Variants in WDFY4 observed in about 807,000 individuals in gnomAD.
WDFY4 encodes WDFY family member 4.
In WDFY4, 169 loss-of-function variants were observed where a neutral mutation model predicts 351.9. That is an observed-to-expected ratio of 0.48 (90% CI 0.42 to 0.55). The LOEUF (loss-of-function observed/expected upper bound fraction) is 0.55. Among genes scored for constraint, WDFY4 ranks in the 20% least tolerant of loss-of-function variants. The pLI is 0.00. For synonymous variants in WDFY4, 1,622 were observed against 1,574.6 expected (o/e 1.03, Z -0.71); for missense variants, 3,803 against 3,935.6 (o/e 0.97, Z 0.90).
At chr10:48,879,076 T>C (rs537375193) in intron 43 of WDFY4, among the ~76,000 whole-genome samples, 1 of 152,364 alleles carries the variant, frequency 6.6e-6, no homozygotes, top group South Asian at 2.1e-4. Context: ...TATCAATATA[T>C]TAATATGCTC....
At chr10:48,838,095 G>GT (rs1289920740) in intron 39 of WDFY4, among the ~76,000 whole-genome samples, 2 of 152,252 alleles carry the variant, frequency 1.3e-5, no homozygotes, top group Non-Finnish European at 2.9e-5. Context: ...TCAGGGCTGT[G>GT]TAAGAATTAA....
intron 11 of WDFY4, among the ~76,000 whole-genome samples, chr10:48,741,756 CTG>C (rs1258475490): frequency 2.0e-5 from 3 of 152,158 alleles, no homozygotes; most frequent in African/African-American, 7.2e-5. Flanking sequence ...TGACTCCACA[CTG>C]TGCCTTCTCA....
chr10:48,910,622 G>T (rs543055703), intron 47 of WDFY4, among the ~76,000 whole-genome samples: 1 of 152,272 alleles, frequency 6.6e-6, no homozygotes, highest in South Asian at 2.1e-4. Flanking sequence ...GGCTAAAGAG[G>T]TGTCTGACTT....
At chr10:48,850,040 C>T (rs114469070) in intron 39 of WDFY4, among the ~76,000 whole-genome samples, 1,620 of 152,306 alleles carry the variant, frequency 0.011, 27 homozygotes, top group African/African-American at 0.037. Context: ...AGGACAACCA[C>T]AGAAGTGATA....
chr10:48,802,741 T>C (rs1237711826), intron 24 of WDFY4: 1 of 471,406 alleles, frequency 2.1e-6, no homozygotes, highest in Non-Finnish European at 4.4e-6. Flanking sequence ...ATGCATGAGA[T>C]GACACTGTGG....
intron 47 of WDFY4, chr10:48,910,171 G>A (rs1837867430): frequency 1.4e-6 from 2 of 1,405,972 alleles, no homozygotes; most frequent in Admixed American, 3.4e-5. Context: ...CTAACTGGGG[G>A]CTTCTCCTCT....
intron 29 of WDFY4, among the ~76,000 whole-genome samples, 162 bp downstream of exon 29, chr10:48,810,897 C>T (rs573021889): frequency 3.3e-5 from 5 of 152,182 alleles, no homozygotes; most frequent in African/African-American, 1.2e-4. Context: ...GCCCAGCCCC[C>T]CTGACATCCT....
intron 6 of WDFY4, 85 bp downstream of exon 6, chr10:48,726,155 T>C (rs1304393591): frequency 1.4e-6 from 2 of 1,423,050 alleles, no homozygotes; most frequent in Non-Finnish European, 1.9e-6. Context: ...GCCCACTTTC[T>C]ACAATGAGAC....
At chr10:48,868,850 G>A (rs2069652139) in intron 40 of WDFY4, among the ~76,000 whole-genome samples, 1 of 152,146 alleles carries the variant, frequency 6.6e-6, no homozygotes, top group African/African-American at 2.4e-5. Context: ...GTGAAATTCT[G>A]TTGAGATCTG....
intron 24 of WDFY4, among the ~76,000 whole-genome samples, chr10:48,801,808 G>A (rs1423849296): frequency 6.6e-6 from 1 of 152,174 alleles, no homozygotes; most frequent in African/African-American, 2.4e-5. Flanking sequence ...CAGGCCTCCC[G>A]ATAAACTTGT....
chr10:48,710,801 C>T (rs1326599524), intron 2 of WDFY4, among the ~76,000 whole-genome samples: 1 of 152,236 alleles, frequency 6.6e-6, no homozygotes, highest in African/African-American at 2.4e-5. Flanking sequence ...AGGAAACCAG[C>T]GCATCTACTG....
At chr10:48,958,168 G>A (rs928818390) in intron 52 of WDFY4, among the ~76,000 whole-genome samples, 2 of 152,230 alleles carry the variant, frequency 1.3e-5, no homozygotes, top group Non-Finnish European at 2.9e-5. Flanking sequence ...GCAAAACCTT[G>A]TGCAGGGGTT....
At chr10:48,694,417 A>C in intron 1 of WDFY4, among the ~76,000 whole-genome samples, 2 of 148,686 alleles carry the variant, frequency 1.3e-5, no homozygotes, top group East Asian at 2.0e-4. Context: ...CTTCCCTCCT[A>C]CTCCCTCTCC....
intron 35 of WDFY4, chr10:48,823,100 A>G (rs11101515): frequency 0.26 from 334,316 of 1,266,382 alleles, 46,559 homozygotes; most frequent in African/African-American, 0.49. Context: ...ATGTAGGTGT[A>G]TGTATGTGCA....
intron 39 of WDFY4, among the ~76,000 whole-genome samples, chr10:48,844,837 G>C (rs1397731066): frequency 6.6e-6 from 1 of 152,180 alleles, no homozygotes; most frequent in African/African-American, 2.4e-5. Flanking sequence ...CCCACACTCT[G>C]TTTGAGGGGA....
In WDFY4 at chr10:48,934,493, A is replaced by G. The variant is rs550966251; in HGVS notation, c.7587-7313A>G. On this transcript the variant is annotated intron_variant, in intron 47 of 61. Coordinates refer to ENST00000325239, the MANE Select transcript of WDFY4 (RefSeq NM_001394531.1). ...AGTAGAGGGCCTGCCTTTTCCCATT[A>G]TACCTGTCATAAAAGTTGGGTCTTG... Among the ~76,000 whole-genome samples, 8 of 152,170 alleles carry G rather than the reference A, an allele frequency of 5.3e-5. No individual in the cohort carries two copies. The South Asian group carries it at 1.5e-3, about 28-fold the overall frequency.
At chr10:48,940,374 C>A (rs1840690196) in intron 47 of WDFY4, among the ~76,000 whole-genome samples, 1 of 152,196 alleles carries the variant, frequency 6.6e-6, no homozygotes, top group Non-Finnish European at 1.5e-5. Flanking sequence ...AGAGGTAAAT[C>A]CCAGCCTGAG....
At position 48,877,067 on chromosome 10, in the gene WDFY4, G is replaced by A. The variant is rs916800767; in HGVS notation, c.7035G>A (p.Pro2345=). 24 of 1,519,488 alleles carry A rather than the reference G, an allele frequency of 1.6e-5. No homozygotes were observed. The highest frequency in any genetic ancestry group is 7.4e-5 in the East Asian group (3 of 40,362). 94.1% of individuals were successfully genotyped at this position (1,519,488 alleles called of 1,614,324 possible). The part of the protein sequence containing the change: ...ELTLREAEGE[P]DEVGVDCTQL... The stretch of plus-strand genomic sequence containing the variant: ...CACTGAGGGAGGCTGAGGGCGAGCC[G>A]GACGAGGTGGGGGTGGACTGCACCC... The change falls in exon 43 of 62, where the codon CCG becomes CCA. Residue 2345 remains proline (P), a synonymous_variant. Transcript: ENST00000325239.
At position 48,821,096 on chromosome 10, in the gene WDFY4, G is replaced by T; in HGVS notation, c.5744G>T (p.Arg1915Leu). The change falls in exon 34 of 62, where the codon CGA becomes CTA. Residue 1915 changes from arginine (R) to leucine (L), a missense_variant. By Grantham distance (102) the Arg-to-Leu change is moderately radical (BLOSUM62 -2). Coordinates refer to ENST00000325239, the MANE Select transcript of WDFY4 (RefSeq NM_001394531.1). ...GACCACGCCACCAGCCAACAGAAGCGAGACTTCCAGTCCGAGGTCCTGCTT... is the reference window on the plus strand; with the variant it reads ...GACCACGCCACCAGCCAACAGAAGCTAGACTTCCAGTCCGAGGTCCTGCTT... ...SPDHATSQQK[R>L]DFQSEVLLSA... is the part of the protein sequence containing the mutation. The T allele has an allele frequency of 6.4e-7, 1 of 1,551,686 alleles. No individual in the cohort carries two copies. Among genetic ancestry groups the T allele is most frequent in the Non-Finnish European group, 8.7e-7 (1 of 1,146,982 alleles).
Sources: gnomAD v4.1 joint callset for allele counts (sites outside exome capture counted in the v4.1 genomes callset) on GRCh38, gnomAD v4.1.1 for gene constraint, MANE v1.5 for transcripts, NCBI Gene and HGNC (gene_info 2026-07-23, HGNC 2026-07-21) for gene names.